Variants in BCO1 observed in about 807,000 individuals in gnomAD.
The protein encoded by BCO1 is beta,beta-carotene 15,15'-dioxygenase.
BCO1 carries 54 observed loss-of-function variants against 56.3 expected under a neutral mutation model. The ratio of observed to expected loss-of-function variants is 0.96; its 90% CI spans 0.77 to 1.20. The LOEUF is 1.20. Among genes scored for constraint, BCO1 ranks in the 50% most tolerant of loss-of-function variants. The probability of loss-of-function intolerance (pLI) is 0.00; values close to 1 mark genes in which losing one functional copy is unlikely to be tolerated. For synonymous variants in BCO1, 318 were observed against 266.1 expected, an observed-to-expected ratio of 1.20 and a Z score of -1.90; for missense variants, 801 against 690.9, an observed-to-expected ratio of 1.16 and a Z score of -1.79.
chr16:81,277,025 C>T (rs2150634349), intron 7 of BCO1, among the ~76,000 whole-genome samples: 1 of 148,304 alleles, frequency 6.7e-6, no homozygotes, highest in Admixed American at 6.8e-5. Flanking sequence ...TGAGATCGTG[C>T]CACCGTATTC....
intron 3 of BCO1, among the ~76,000 whole-genome samples, chr16:81,261,055 A>G (rs1906453954): frequency 6.6e-6 from 1 of 152,214 alleles, no homozygotes; most frequent in South Asian, 2.1e-4. Flanking sequence ...AGCTCAGAGC[A>G]AGCACTGAAT....
chr16:81,259,599 C>T, intron 2 of BCO1, 77 bp from the exon 3 acceptor site: 2 of 1,592,778 alleles, frequency 1.3e-6, no homozygotes, highest in Non-Finnish European at 1.7e-6. Context: ...CCCAGTAAAA[C>T]CCATACAAGG....
chr16:81,249,056 C>A (rs1017206106), intron 2 of BCO1, among the ~76,000 whole-genome samples: 8 of 151,734 alleles, frequency 5.3e-5, no homozygotes, highest in Admixed American at 2.0e-4. Flanking sequence ...GGCCTTGCTT[C>A]CCCAGGCTGC....
In BCO1 at chr16:81,289,730, G is replaced by A. The variant is rs529835847; in HGVS notation, c.1415-618G>A. On this transcript the variant is annotated intron_variant, in intron 10 of 10. Coordinates refer to ENST00000258168, the MANE Select transcript of BCO1 (RefSeq NM_017429.3). Reference sequence around the variant, plus strand: ...AGTGCTTTCAAAATCCATCATTCAGGAGATACTCTCGGCAACCCTGTGGAG... The same window carrying A: ...AGTGCTTTCAAAATCCATCATTCAGAAGATACTCTCGGCAACCCTGTGGAG... Among the ~76,000 whole-genome samples the A allele has an allele frequency of 3.9e-5, 6 of 152,258 alleles. No homozygotes were observed. In the South Asian group the frequency reaches 1.0e-3, roughly 26 times the overall value.
intron 2 of BCO1, among the ~76,000 whole-genome samples, chr16:81,257,841 T>C (rs1195961251): frequency 5.3e-5 from 8 of 149,932 alleles, no homozygotes; most frequent in Admixed American, 5.3e-4. Context: ...GATTCCACCA[T>C]TGCACTCCAG....
At chr16:81,283,995 C>G (rs994688596) in intron 8 of BCO1, among the ~76,000 whole-genome samples, 1 of 150,944 alleles carries the variant, frequency 6.6e-6, no homozygotes, top group Non-Finnish European at 1.5e-5. Flanking sequence ...ACCATCCTGG[C>G]TAACATGGTG....
intron 1 of BCO1, among the ~76,000 whole-genome samples, chr16:81,239,280 G>A (rs1262539984): frequency 1.3e-5 from 2 of 152,134 alleles, no homozygotes; most frequent in Non-Finnish European, 2.9e-5. Flanking sequence ...GCCTCCGAAA[G>A]TGCTAGGATT....
In BCO1 at chr16:81,240,938, G is replaced by A. The variant is rs9673260; in HGVS notation, c.64+1966G>A. Among the ~76,000 whole-genome samples the A allele has an allele frequency of 3.3e-5, 5 of 149,338 alleles. No homozygotes were observed. In the South Asian group the frequency reaches 1.1e-3, roughly 32 times the overall value. On this transcript the variant is annotated intron_variant, in intron 1 of 10. Coordinates refer to ENST00000258168, the MANE Select transcript of BCO1 (RefSeq NM_017429.3). Reference sequence around the variant, plus strand: ...CAACCTCTGCCTCCTGGGTTCAAGCGATTCTTCTGCCTCAGCCTCCCAAAT... The same window carrying A: ...CAACCTCTGCCTCCTGGGTTCAAGCAATTCTTCTGCCTCAGCCTCCCAAAT...
chr16:81,245,642 A>G, intron 2 of BCO1, 39 bp downstream of exon 2: 4 of 1,613,606 alleles, frequency 2.5e-6, no homozygotes, highest in Non-Finnish European at 3.4e-6. Flanking sequence ...TGCTGCAGCA[A>G]AGGACCCCAA....
At chr16:81,248,111 A>T (rs1476256229) in intron 2 of BCO1, among the ~76,000 whole-genome samples, 6 of 152,236 alleles carry the variant, frequency 3.9e-5, no homozygotes, top group African/African-American at 1.4e-4. Context: ...TTAATTTCAT[A>T]TAACTACTGG....
intron 10 of BCO1, 126 bp from the exon 11 acceptor site, chr16:81,290,222 A>C: frequency 1.2e-6 from 1 of 805,284 alleles, no homozygotes; most frequent in Non-Finnish European, 2.1e-6. Context: ...CAGTGTCTCA[A>C]ATTCACTCCC....
intron 4 of BCO1, chr16:81,263,547 G>A (rs1906629588): frequency 6.6e-6 from 1 of 152,080 alleles, no homozygotes; most frequent in Non-Finnish European, 1.5e-5. Context: ...TATCTTTTTT[G>A]CAAGACACAA....
intron 10 of BCO1, 29 bp from the exon 11 acceptor site, chr16:81,290,319 C>T (rs903776962): frequency 2.5e-6 from 4 of 1,574,706 alleles, no homozygotes; most frequent in Admixed American, 3.3e-5. Flanking sequence ...TGCACTTTTA[C>T]GAAGTGTTTT....
Position 81,270,612 on chromosome 16 carries a change from GA to G in BCO1, c.1101+203del, listed in dbSNP as rs202077167. Reference sequence around the variant, plus strand: ...AGAAAATATAGATAAGTAAAAAGGAGAAAAAAATCCCTATAAACCTACCACC... The same window carrying G: ...AGAAAATATAGATAAGTAAAAAGGAGAAAAAATCCCTATAAACCTACCACC... On this transcript the variant is annotated intron_variant, in intron 7 of 10. Coordinates refer to ENST00000258168, the MANE Select transcript of BCO1 (RefSeq NM_017429.3). Among the ~76,000 whole-genome samples the G allele has an allele frequency of 8.9e-3, 1,340 of 151,366 alleles. 33 individuals carry two copies. Among genetic ancestry groups the G allele is most frequent in the African/African-American group, 0.031 (1,265 of 41,258 alleles).
chr16:81,269,612 C>T (rs552748583), intron 6 of BCO1, among the ~76,000 whole-genome samples: 7 of 152,176 alleles, frequency 4.6e-5, no homozygotes, highest in African/African-American at 1.4e-4. Context: ...GGATTACAGG[C>T]AAGTGCCACC....
chr16:81,264,299 C>G (rs1270451773), intron 4 of BCO1, among the ~76,000 whole-genome samples: 1 of 152,152 alleles, frequency 6.6e-6, no homozygotes, highest in South Asian at 2.1e-4. Context: ...ATCTTGTTTC[C>G]ATGTTGAGGA....
chr16:81,270,700 G>GTGTC (rs1907149303), intron 7 of BCO1, among the ~76,000 whole-genome samples: 1 of 151,086 alleles, frequency 6.6e-6, no homozygotes, highest in African/African-American at 2.4e-5. Flanking sequence ...GTCTGTGTGT[G>GTGTC]TGTGTGTGTG....
intron 1 of BCO1, 126 bp downstream of exon 1, chr16:81,239,098 C>T (rs1332346451): frequency 3.9e-6 from 3 of 764,230 alleles, no homozygotes; most frequent in Non-Finnish European, 6.4e-6. Flanking sequence ...CCCACTGCAA[C>T]CTCTGCCTCC....
At chr16:81,269,226 C>G (rs919541129) in intron 6 of BCO1, among the ~76,000 whole-genome samples, 5 of 151,792 alleles carry the variant, frequency 3.3e-5, no homozygotes, top group African/African-American at 1.2e-4. Context: ...ACCCCCACGT[C>G]TGAAGGGAGC....
Sources: allele counts gnomAD v4.1 joint callset (sites outside exome capture counted in the v4.1 genomes callset), GRCh38; gene constraint gnomAD v4.1.1; transcripts MANE v1.5; gene names NCBI Gene and HGNC (gene_info 2026-07-23, HGNC 2026-07-21).